MACROD2: variants seen among roughly 807,000 people sequenced by gnomAD.
The protein encoded by MACROD2 is ADP-ribose glycohydrolase MACROD2.
In MACROD2, 36 loss-of-function variants were observed where a neutral mutation model predicts 70.4. That is an observed-to-expected ratio of 0.51 (90% confidence interval 0.39 to 0.68). The LOEUF (loss-of-function observed/expected upper bound fraction) is 0.68. Ranked by LOEUF, MACROD2 falls within the 30% of genes least tolerant of loss-of-function variation. The probability of loss-of-function intolerance (pLI) is 0.00; values close to 1 mark genes in which losing one functional copy is unlikely to be tolerated. For missense variants in MACROD2, 496 were observed against 538.4 expected (o/e 0.92, Z 0.78); for synonymous variants, 172 against 178.8 (o/e 0.96, Z 0.30).
At chr20:15,397,798 C>T (rs1457766498) in intron 6 of MACROD2, among the ~76,000 whole-genome samples, 1 of 152,124 alleles carries the variant, frequency 6.6e-6, no homozygotes, top group East Asian at 1.9e-4. Flanking sequence ...CACTGTTTCT[C>T]ATGAGGGTGG....
chr20:14,485,467 T>C (rs556529066), intron 3 of MACROD2, among the ~76,000 whole-genome samples: 72 of 152,244 alleles, frequency 4.7e-4, no homozygotes, highest in Middle Eastern at 3.4e-3. Context: ...TTTGGGAGGC[T>C]GAGGCGGGCG....
At chr20:15,041,081 T>C (rs1248450742) in intron 5 of MACROD2, among the ~76,000 whole-genome samples, 1 of 152,218 alleles carries the variant, frequency 6.6e-6, no homozygotes, top group African/African-American at 2.4e-5. Flanking sequence ...TTGGTTTTTA[T>C]AAATTTGAGC....
chr20:14,539,315 C>G (rs903829010), intron 4 of MACROD2, among the ~76,000 whole-genome samples: 2 of 152,170 alleles, frequency 1.3e-5, no homozygotes, highest in African/African-American at 4.8e-5. Context: ...CCTCTTTTAG[C>G]TTTTCTGACC....
intron 5 of MACROD2, among the ~76,000 whole-genome samples, chr20:14,903,115 C>T (rs1796021624): frequency 7.3e-6 from 1 of 137,022 alleles, no homozygotes; most frequent in Non-Finnish European, 1.6e-5. Context: ...GATCTCGGCT[C>T]ACTGCAACCT....
At chr20:15,264,509 T>C (rs2077275647) in intron 6 of MACROD2, among the ~76,000 whole-genome samples, 1 of 152,178 alleles carries the variant, frequency 6.6e-6, no homozygotes, top group Non-Finnish European at 1.5e-5. Flanking sequence ...GGCAAGATGA[T>C]TGAAGCTTAA....
At chr20:15,703,368 C>G (rs190813672) in intron 8 of MACROD2, among the ~76,000 whole-genome samples, 3 of 152,268 alleles carry the variant, frequency 2.0e-5, no homozygotes, top group East Asian at 1.9e-4. Flanking sequence ...GTTGACACAG[C>G]CTCTGTCACT....
chr20:14,641,981 C>T (rs1428967450), intron 4 of MACROD2, among the ~76,000 whole-genome samples: 2 of 152,186 alleles, frequency 1.3e-5, no homozygotes, highest in African/African-American at 4.8e-5. Context: ...TTCCCTCTAC[C>T]TATGAAAGTC....
intron 3 of MACROD2, among the ~76,000 whole-genome samples, chr20:14,249,181 T>TC (rs2081991243): frequency 6.7e-6 from 1 of 149,842 alleles, no homozygotes; most frequent in African/African-American, 2.5e-5. Flanking sequence ...CTCAGTTTAT[T>TC]CCCCTGTGTC....
intron 5 of MACROD2, among the ~76,000 whole-genome samples, chr20:15,072,528 G>T (rs1275154023): frequency 6.6e-6 from 1 of 151,982 alleles, no homozygotes; most frequent in Non-Finnish European, 1.5e-5. Context: ...TAGTATCTTG[G>T]GCTTCTTCCC....
intron 6 of MACROD2, among the ~76,000 whole-genome samples, chr20:15,270,097 G>A (rs1172222017): frequency 2.0e-5 from 3 of 151,728 alleles, no homozygotes; most frequent in Non-Finnish European, 4.4e-5. Context: ...AACCCCAGAG[G>A]CAGATTTCTC....
chr20:15,678,263 G>C lies in MACROD2; in HGVS notation c.645+178416G>C, dbSNP rs1394284705. Among the ~76,000 whole-genome samples the C allele has an allele frequency of 2.6e-5, 4 of 152,270 alleles. No homozygotes were observed. The South Asian group carries it at 8.3e-4, about 32-fold the overall frequency. On this transcript the variant is annotated intron_variant, in intron 8 of 17. Transcript: ENST00000684519. ...CATTTGTAATCCCAACAACTCAGGA[G>C]GCTGAAGCAGGAGGATCCTTTGAGC...
At chr20:14,261,309 T>C (rs188030078) in intron 3 of MACROD2, among the ~76,000 whole-genome samples, 8 of 152,310 alleles carry the variant, frequency 5.3e-5, no homozygotes, top group Admixed American at 2.6e-4. Context: ...GAAAAATTAA[T>C]TTGGGTTAGT....
At chr20:15,625,903 CAAAAAAAAAA>C (rs11290779) in intron 8 of MACROD2, among the ~76,000 whole-genome samples, 1 of 75,642 alleles carries the variant, frequency 1.3e-5, no homozygotes, top group Non-Finnish European at 2.4e-5. Flanking sequence ...TCCTTGGCCA[CAAAAAAAAAA>C]AAAAAAAAAA....
At chr20:14,361,783 G>GTA (rs1207186416) in intron 3 of MACROD2, among the ~76,000 whole-genome samples, 2 of 152,142 alleles carry the variant, frequency 1.3e-5, no homozygotes, top group Non-Finnish European at 2.9e-5. Context: ...CAAGCCAATA[G>GTA]CTGATGTGGC....
At chr20:14,355,334 C>G (rs1568574227) in intron 3 of MACROD2, among the ~76,000 whole-genome samples, 1 of 152,278 alleles carries the variant, frequency 6.6e-6, no homozygotes, top group South Asian at 2.1e-4. Flanking sequence ...AGTTATGACT[C>G]TGACTAGGAG....
chr20:15,790,820 T>C (rs1385164053), intron 8 of MACROD2, among the ~76,000 whole-genome samples: 3 of 151,926 alleles, frequency 2.0e-5, no homozygotes, highest in East Asian at 1.9e-4. Flanking sequence ...TTAGTTAATA[T>C]AGAAAAGTAC....
At chr20:15,396,615 C>A (rs914991074) in intron 6 of MACROD2, among the ~76,000 whole-genome samples, 3 of 152,276 alleles carry the variant, frequency 2.0e-5, no homozygotes, top group Non-Finnish European at 4.4e-5. Context: ...CTTCAGACTG[C>A]TGGAAGTAAA....
At chr20:15,571,782 C>A (rs1350284768) in intron 8 of MACROD2, among the ~76,000 whole-genome samples, 1 of 152,048 alleles carries the variant, frequency 6.6e-6, no homozygotes, top group Admixed American at 6.6e-5. Flanking sequence ...AACTAATCTG[C>A]AAGGATTACT....
chr20:14,103,314 T>C (rs2054323697), intron 3 of MACROD2, among the ~76,000 whole-genome samples: 1 of 152,150 alleles, frequency 6.6e-6, no homozygotes, highest in Non-Finnish European at 1.5e-5. Flanking sequence ...TCTTCCAGAG[T>C]CTTTCTTTTA....
Sources: allele counts gnomAD v4.1 joint callset (sites outside exome capture counted in the v4.1 genomes callset), GRCh38; gene constraint gnomAD v4.1.1; transcripts MANE v1.5; gene names NCBI Gene and HGNC (gene_info 2026-07-23, HGNC 2026-07-21).